Variants in NETO1 observed in about 807,000 individuals in gnomAD.
NETO1 encodes the protein neuropilin and tolloid like 1, also known as neuropilin and tolloid-like protein 1.
In NETO1, 26 loss-of-function variants were observed where a neutral mutation model predicts 61.3. The observed-to-expected ratio is 0.42, with a 90% confidence interval of 0.31 to 0.59. The LOEUF (loss-of-function observed/expected upper bound fraction) is 0.59. Ranked by LOEUF, NETO1 falls within the 20% of genes least tolerant of loss-of-function variation. The pLI is 0.12. For missense variants in NETO1, 531 were observed against 662.8 expected (o/e 0.80, Z 2.18); for synonymous variants, 225 against 225.8 (o/e 1.00, Z 0.03).
intron 4 of NETO1, among the ~76,000 whole-genome samples, chr18:72,805,956 G>A (rs1026612326): frequency 4.6e-5 from 7 of 152,168 alleles, no homozygotes; most frequent in East Asian, 3.8e-4. Flanking sequence ...ATCCACGTAA[G>A]TAAATCTTTT....
intron 4 of NETO1, among the ~76,000 whole-genome samples, chr18:72,807,559 A>G (rs985415008): frequency 1.3e-5 from 2 of 152,168 alleles, no homozygotes; most frequent in African/African-American, 4.8e-5. Flanking sequence ...GGCTTTTACA[A>G]TGTTTACTTC....
At chr18:72,844,663 C>T (rs1307496178) in intron 4 of NETO1, among the ~76,000 whole-genome samples, 1 of 152,150 alleles carries the variant, frequency 6.6e-6, no homozygotes, top group Non-Finnish European at 1.5e-5. Flanking sequence ...TTTATTCATT[C>T]GTTGACTCAT....
At chr18:72,814,146 A>AT (rs145461985) in intron 4 of NETO1, among the ~76,000 whole-genome samples, 1 of 152,216 alleles carries the variant, frequency 6.6e-6, no homozygotes, top group African/African-American at 2.4e-5. Context: ...GGTAAGTGAT[A>AT]TTAGGTCCCC....
At chr18:72,845,893 T>C (rs1392738684) in intron 4 of NETO1, among the ~76,000 whole-genome samples, 6 of 152,176 alleles carry the variant, frequency 3.9e-5, no homozygotes, top group Admixed American at 3.9e-4. Flanking sequence ...ATATATACAT[T>C]GTTGTTAGAA....
intron 7 of NETO1, among the ~76,000 whole-genome samples, chr18:72,781,763 T>C (rs1568195205): frequency 6.6e-6 from 1 of 152,210 alleles, no homozygotes; most frequent in Non-Finnish European, 1.5e-5. Context: ...CACTGAAATT[T>C]CAAAAATATT....
chr18:72,817,989 A>G (rs1406862579), intron 4 of NETO1, among the ~76,000 whole-genome samples: 1 of 152,200 alleles, frequency 6.6e-6, no homozygotes, highest in Non-Finnish European at 1.5e-5. Context: ...ATCCTCATGC[A>G]GGTGAGCCTT....
intron 4 of NETO1, among the ~76,000 whole-genome samples, chr18:72,852,977 C>T (rs1249651245): frequency 2.6e-5 from 4 of 151,644 alleles, no homozygotes; most frequent in South Asian, 2.1e-4. Flanking sequence ...GGATTACAGG[C>T]GCCTGCCACC....
At chr18:72,826,513 G>A (rs1208188714) in intron 4 of NETO1, among the ~76,000 whole-genome samples, 1 of 145,718 alleles carries the variant, frequency 6.9e-6, no homozygotes, top group Non-Finnish European at 1.5e-5. Context: ...CATATTTTGT[G>A]TTTTTCTTAT....
chr18:72,828,235 C>T, intron 4 of NETO1, among the ~76,000 whole-genome samples: 1 of 152,088 alleles, frequency 6.6e-6, no homozygotes, highest in East Asian at 1.9e-4. Context: ...CGCTTGAACC[C>T]AGGAGGCGAA....
intron 4 of NETO1, among the ~76,000 whole-genome samples, chr18:72,806,229 A>C (rs2072670470): frequency 6.6e-6 from 1 of 152,158 alleles, no homozygotes; most frequent in Non-Finnish European, 1.5e-5. Context: ...CAATCACTTT[A>C]TTTTAGGTTT....
chr18:72,787,889 A>G (rs1441788960), intron 6 of NETO1, among the ~76,000 whole-genome samples: 3 of 152,190 alleles, frequency 2.0e-5, no homozygotes, highest in Non-Finnish European at 4.4e-5. Context: ...AAAATGAGTA[A>G]TCAAATAAAT....
At chr18:72,810,655 G>C (rs1200347171) in intron 4 of NETO1, among the ~76,000 whole-genome samples, 4 of 152,176 alleles carry the variant, frequency 2.6e-5, no homozygotes, top group Admixed American at 6.5e-5. Context: ...TGGTGCACTT[G>C]CTCCTACAAT....
At chr18:72,756,257 C>A in intron 7 of NETO1, 110 bp from the exon 8 acceptor site, 2 of 593,852 alleles carry the variant, frequency 3.4e-6, no homozygotes, top group Non-Finnish European at 6.1e-6. Flanking sequence ...TTGCCACAAA[C>A]TGAGATAAAT....
chr18:72,821,047 A>G (rs899096481), intron 4 of NETO1, among the ~76,000 whole-genome samples: 2 of 151,980 alleles, frequency 1.3e-5, no homozygotes, highest in Non-Finnish European at 2.9e-5. Context: ...AAAAGGCACA[A>G]AGGCCTTCAT....
At chr18:72,798,717 T>C (rs2072402339) in intron 4 of NETO1, among the ~76,000 whole-genome samples, 1 of 152,150 alleles carries the variant, frequency 6.6e-6, no homozygotes, top group African/African-American at 2.4e-5. Flanking sequence ...TCAAATGTCA[T>C]CGGAGAGCTT....
chr18:72,817,986 T>A (rs77695090), intron 4 of NETO1, among the ~76,000 whole-genome samples: 2,757 of 152,300 alleles, frequency 0.018, 59 homozygotes, highest in East Asian at 0.05. Context: ...TGGATCCTCA[T>A]GCAGGTGAGC....
chr18:72,840,370 G>A (rs1172264322), intron 4 of NETO1, among the ~76,000 whole-genome samples: 1 of 152,176 alleles, frequency 6.6e-6, no homozygotes, highest in Non-Finnish European at 1.5e-5. Context: ...CGGGCAGTTA[G>A]GTGACCTAGC....
At position 72,846,833 on chromosome 18, in the gene NETO1, TCTTA is replaced by T. The variant is rs1217812563; in HGVS notation, c.469+11989_469+11992del. Among the ~76,000 whole-genome samples the T allele has an allele frequency of 3.9e-5, 6 of 152,300 alleles. No homozygotes were observed. The East Asian group carries it at 1.2e-3, about 29-fold the overall frequency. ...CCATGGAAATTCTCTCTGTTTTAGA[TCTTA>T]CTTATCATTGCCATGGCAACCCTCA... On this transcript the variant is annotated intron_variant, in intron 4 of 10. Transcript: ENST00000327305.
intron 7 of NETO1, among the ~76,000 whole-genome samples, chr18:72,776,561 A>G (rs2071555638): frequency 2.0e-5 from 3 of 152,314 alleles, no homozygotes; most frequent in African/African-American, 7.2e-5. Context: ...AGGCACCATC[A>G]GATGTGGAGT....
Sources: allele counts gnomAD v4.1 joint callset (sites outside exome capture counted in the v4.1 genomes callset), GRCh38; gene constraint gnomAD v4.1.1; transcripts MANE v1.5; gene names NCBI Gene and HGNC (gene_info 2026-07-23, HGNC 2026-07-21).